TFEC: variants seen among roughly 807,000 people sequenced by gnomAD.
The protein encoded by TFEC is class E basic helix-loop-helix protein 34.
TFEC carries 31 observed loss-of-function variants against 41.6 expected under a neutral mutation model. That is an observed-to-expected ratio of 0.74 (90% CI 0.56 to 1.01). TFEC has a LOEUF of 1.01. Among genes scored for constraint, TFEC ranks in the 50% least tolerant of loss-of-function variants. The pLI, the probability that TFEC is intolerant of heterozygous loss-of-function variation, is 0.00. For synonymous variants in TFEC, 143 were observed against 140.6 expected, an observed-to-expected ratio of 1.02 and a Z score of -0.12; for missense variants, 402 against 404.1, an observed-to-expected ratio of 0.99 and a Z score of 0.04.
intron 5 of TFEC, 35 bp downstream of exon 5, chr7:115,954,551 T>TGTACAGGACAGGG (rs772373131): frequency 2.5e-5 from 39 of 1,572,178 alleles, no homozygotes; most frequent in Middle Eastern, 1.8e-4. Context: ...GCATTTCCTT[T>TGTACAGGACAGGG]TGCATTAATT....
intron 3 of TFEC, among the ~76,000 whole-genome samples, chr7:115,961,947 A>G (rs1792578181): frequency 6.6e-6 from 1 of 151,758 alleles, no homozygotes; most frequent in African/African-American, 2.4e-5. Flanking sequence ...ACACACATGC[A>G]CACACGCACA....
chr7:115,988,864 A>G (rs1222253949), intron 1 of TFEC, among the ~76,000 whole-genome samples: 1 of 152,118 alleles, frequency 6.6e-6, no homozygotes, highest in Non-Finnish European at 1.5e-5. Context: ...ATCTAGAAGA[A>G]AAAGCACCCT....
chr7:116,112,953 C>T (rs1343053652), intron 1 of TFEC, among the ~76,000 whole-genome samples: 1 of 151,804 alleles, frequency 6.6e-6, no homozygotes, highest in African/African-American at 2.4e-5. Flanking sequence ...GATTTTTAGG[C>T]ATCATGAAAT....
Position 115,973,833 on chromosome 7 carries a change from T to C in TFEC, c.267+337A>G, listed in dbSNP as rs76685022. On this transcript the variant is annotated intron_variant, in intron 3 of 7. Transcript: ENST00000265440. ...TGGTAAAATAGTCAAAATTTAGTCA[T>C]GACCTTTTAAGAGTGTTTGATTACT... Among the ~76,000 whole-genome samples the C allele has an allele frequency of 6.5e-3, 992 of 152,176 alleles. 12 individuals carry two copies. Among genetic ancestry groups the C allele is most frequent in the African/African-American group, 0.023 (946 of 41,576 alleles).
In TFEC at chr7:115,939,362, T is replaced by G. The variant is rs774632405; in HGVS notation, c.*1189A>C. 2.6e-5 allele frequency: 4 copies of G among 152,026 alleles called. No homozygotes were observed. The highest frequency in any genetic ancestry group is 4.4e-5 in the Non-Finnish European group (3 of 67,966). The allele number at this position is 152,026 out of a possible 1,614,324, so 9.4% of individuals were successfully genotyped here. A position where few individuals can be genotyped will look rare whatever the true frequency, so the allele number is the denominator to read the frequency against. On this transcript the variant is annotated 3_prime_UTR_variant, in exon 8 of 8. Coordinates refer to ENST00000265440, the MANE Select transcript of TFEC (RefSeq NM_012252.4). ...CAAGCGCAAGAGATAAAAATCTAAATGAAGCATCATAGTTATAAGTGCTTA... is the reference window on the plus strand; with the variant it reads ...CAAGCGCAAGAGATAAAAATCTAAAGGAAGCATCATAGTTATAAGTGCTTA...
At chr7:116,031,950 A>C (rs973984688), upstream of TFEC, among the ~76,000 whole-genome samples, 4 of 152,170 alleles carry the variant, frequency 2.6e-5, no homozygotes, top group African/African-American at 9.6e-5. Flanking sequence ...TATTAGAAAC[A>C]TTGTGAGAAA....
chr7:116,036,885 A>G (rs1193805215), intron 3 of TFEC, among the ~76,000 whole-genome samples: 2 of 152,054 alleles, frequency 1.3e-5, no homozygotes, highest in African/African-American at 4.8e-5. Context: ...AAATACCATG[A>G]AAGTAGAGGT....
Position 115,968,868 on chromosome 7 carries a change from C to T in TFEC, c.267+5302G>A, listed in dbSNP as rs192737812. On this transcript the variant is annotated intron_variant, in intron 3 of 7. Transcript: ENST00000265440. ...GCAAGTTACTGAACTCTCTAAGCTT[C>T]TTTCCTCATTTGTAAAATTTTAATA... Among the ~76,000 whole-genome samples the T allele has an allele frequency of 3.4e-3, 522 of 151,970 alleles. 3 individuals are homozygous for T. Among genetic ancestry groups the T allele is most frequent in the Non-Finnish European group, 5.3e-3 (360 of 67,864 alleles).
At chr7:115,954,139 C>T (rs1792092089) in intron 5 of TFEC, among the ~76,000 whole-genome samples, 1 of 152,048 alleles carries the variant, frequency 6.6e-6, no homozygotes, top group Non-Finnish European at 1.5e-5. Context: ...AGGTGAAATT[C>T]AGCACTGCAA....
In TFEC at chr7:116,022,375, T is replaced by C. The variant is rs78805852; in HGVS notation, c.-73+8258A>G. Among the ~76,000 whole-genome samples, 69 of 152,308 alleles carry C rather than the reference T, an allele frequency of 4.5e-4. 1 individual carries two copies. The East Asian group carries it at 0.01, about 23-fold the overall frequency. ...ACCTTGAAATGCAGTCTAATGCATG[T>C]TAAAAAGCATTGTTTGAGCAGCATT... On this transcript the variant is annotated intron_variant, in intron 1 of 7. Transcript: ENST00000265440.
chr7:116,151,495 G>A (rs1052278323), intron 1 of TFEC, among the ~76,000 whole-genome samples: 3 of 151,942 alleles, frequency 2.0e-5, no homozygotes, highest in Non-Finnish European at 2.9e-5. Context: ...CGCCCACCTC[G>A]GCCTCCCAAA....
intron 1 of TFEC, among the ~76,000 whole-genome samples, chr7:115,993,122 C>T (rs146026605): frequency 0.14 from 20,846 of 152,172 alleles, 1,928 homozygotes; most frequent in Non-Finnish European, 0.21. Flanking sequence ...ATTATCTCAA[C>T]AGATGCAGAA....
rs1024549912 is a variant in TFEC, at chr7:116,070,284, CATTT to C, written c.198+40420_198+40423del. Reference sequence around the variant, plus strand: ...CTCATGTTAAAATATCAAGTATATTCATTTATTACTTCTTTGCCACCAAAGTGTA... The same window carrying C: ...CTCATGTTAAAATATCAAGTATATTCATTACTTCTTTGCCACCAAAGTGTA... On this transcript the variant is annotated intron_variant, in intron 3 of 8. Coordinates refer to the TFEC transcript ENST00000484212. 4.0e-4 allele frequency among the ~76,000 whole-genome samples: 60 copies of C among 151,474 alleles called. 1 individual carries two copies. The highest frequency in any genetic ancestry group is 1.4e-3 in the African/African-American group (59 of 41,492).
intron 1 of TFEC, among the ~76,000 whole-genome samples, chr7:116,115,491 T>G (rs1004248657): frequency 6.6e-5 from 10 of 151,858 alleles, no homozygotes; most frequent in African/African-American, 2.2e-4. Context: ...CCTTCCTCCA[T>G]CTTTGAAGTG....
In TFEC at chr7:116,076,790, A is replaced by C. The variant is rs569079781; in HGVS notation, c.198+33918T>G. 2.0e-3 allele frequency among the ~76,000 whole-genome samples: 298 copies of C among 152,250 alleles called. No individual in the cohort carries two copies. In the Middle Eastern group the frequency reaches 0.02, roughly 10 times the overall value. Reference sequence around the variant, plus strand: ...AGTTTGGAACTATGTTAAACCTCCAAACCTAAGAATAATTGGTGTTCCTGA... The same window carrying C: ...AGTTTGGAACTATGTTAAACCTCCACACCTAAGAATAATTGGTGTTCCTGA... On this transcript the variant is annotated intron_variant, in intron 3 of 8. Coordinates refer to the TFEC transcript ENST00000484212.
chr7:116,131,300 G>A (rs1025463640), intron 1 of TFEC, among the ~76,000 whole-genome samples: 4 of 152,114 alleles, frequency 2.6e-5, no homozygotes, highest in Non-Finnish European at 5.9e-5. Context: ...TAGAAACCAT[G>A]TGCCTTTGAA....
chr7:116,091,088 C>T (rs1436704626), intron 3 of TFEC, among the ~76,000 whole-genome samples: 3 of 151,880 alleles, frequency 2.0e-5, no homozygotes, highest in African/African-American at 4.8e-5. Context: ...ACGTTCTGCG[C>T]ATGTATCCCA....
rs567166735 is a variant in TFEC at position 116,042,763 on chromosome 7, A to G, written c.199-58250T>C. 2.9e-4 allele frequency among the ~76,000 whole-genome samples: 44 copies of G among 152,288 alleles called. No individual in the cohort carries two copies. In the South Asian group the frequency reaches 9.1e-3, roughly 32 times the overall value. On this transcript the variant is annotated intron_variant, in intron 3 of 8. Coordinates refer to the TFEC transcript ENST00000484212. ...AGAATAAGTCAATATCTAGGTCAAT[A>G]TGACTCTTCTCCCTCTAAATTCCAT...
At chr7:115,959,384 T>C (rs1474605688) in intron 3 of TFEC, among the ~76,000 whole-genome samples, 4 of 151,728 alleles carry the variant, frequency 2.6e-5, no homozygotes, top group Admixed American at 1.3e-4. Context: ...TTTCCTGGTA[T>C]CAGAGGCTCT....
Sources: allele counts gnomAD v4.1 joint callset (sites outside exome capture counted in the v4.1 genomes callset), GRCh38; gene constraint gnomAD v4.1.1; transcripts MANE v1.5; gene names NCBI Gene and HGNC (gene_info 2026-07-23, HGNC 2026-07-21).